Variants in RAD51C observed in about 807,000 individuals in gnomAD.
RAD51C encodes the protein DNA repair protein RAD51 homolog 3.
A neutral mutation model predicts 45.0 loss-of-function variants in RAD51C; 42 were observed. That is an observed-to-expected ratio of 0.93 (90% CI 0.73 to 1.21). The LOEUF (loss-of-function observed/expected upper bound fraction) is 1.21, where lower values mean the gene tolerates loss of function less well. Among genes scored for constraint, RAD51C ranks in the 50% most tolerant of loss-of-function variants. The pLI is 0.00. For missense variants in RAD51C, 474 were observed against 452.2 expected, an observed-to-expected ratio of 1.05 and a Z score of -0.44; for synonymous variants, 172 against 159.8, an observed-to-expected ratio of 1.08 and a Z score of -0.58.
rs779053608 is a variant in RAD51C at position 58,695,025 on chromosome 17, G to A, written c.240G>A (p.Glu80=). 6 of 1,613,934 alleles carry A rather than the reference G, an allele frequency of 3.7e-6. No homozygotes were observed. Among genetic ancestry groups the A allele is most frequent in the Non-Finnish European group, 4.2e-6 (5 of 1,179,984 alleles). The change falls in exon 2 of 9, where the codon GAG becomes GAA. Residue 80 remains glutamate, a synonymous_variant. Coordinates refer to ENST00000337432, the MANE Select transcript of RAD51C (RefSeq NM_058216.3). The stretch of plus-strand genomic sequence containing the variant: ...AACCAAGATATGCTGGTACATCTGA[G>A]TCACACAAGAAGTGTACAGCACTGG... ...TNKPRYAGTS[E]SHKKCTALEL... is the part of the protein sequence containing the mutation.
intron 3 of RAD51C, among the ~76,000 whole-genome samples, chr17:58,702,442 C>T (rs915157543): frequency 7.9e-5 from 12 of 151,650 alleles, no homozygotes; most frequent in African/African-American, 2.9e-4. Context: ...TAATCCCAGG[C>T]GTGAATTTGG....
At chr17:58,719,375 G>T (rs28705831) in intron 5 of RAD51C, among the ~76,000 whole-genome samples, 75 of 151,758 alleles carry the variant, frequency 4.9e-4, no homozygotes, top group African/African-American at 1.8e-3. Flanking sequence ...ACCATGCCCA[G>T]CTAATTTTTT....
chr17:58,698,134 C>T (rs2048084328), intron 3 of RAD51C, among the ~76,000 whole-genome samples: 1 of 151,754 alleles, frequency 6.6e-6, no homozygotes, highest in Non-Finnish European at 1.5e-5. Context: ...GCCTTAGCCT[C>T]CTGAGTAGCT....
chr17:58,731,420 C>T (rs28363325), intron 7 of RAD51C, among the ~76,000 whole-genome samples: 10 of 152,118 alleles, frequency 6.6e-5, no homozygotes, highest in African/African-American at 2.2e-4. Flanking sequence ...CCACCACACC[C>T]GGCTAATTTT....
chr17:58,716,501 C>T (rs1286656705), intron 5 of RAD51C, among the ~76,000 whole-genome samples: 5 of 152,084 alleles, frequency 3.3e-5, no homozygotes, highest in Non-Finnish European at 7.4e-5. Flanking sequence ...CTCACTCTGT[C>T]GCCCAGGCTG....
chr17:58,693,300 A>T lies in RAD51C; in HGVS notation c.145+512A>T, dbSNP rs1262294781. On this transcript the variant is annotated intron_variant, in intron 1 of 8. Transcript: ENST00000337432. ...CCCGGAATCTTGAGGAAGCATAGAAAGAATATTCTCTTACGTAATTAACTG... is the reference window on the plus strand; with the variant it reads ...CCCGGAATCTTGAGGAAGCATAGAATGAATATTCTCTTACGTAATTAACTG... 2.4e-5 allele frequency: 4 copies of T among 168,046 alleles called. No homozygotes were observed. The East Asian group carries it at 7.0e-4, about 29-fold the overall frequency. 10.4% of individuals were successfully genotyped at this position (168,046 alleles called of 1,614,324 possible).
chr17:58,728,478 A>C (rs986600683), intron 7 of RAD51C, among the ~76,000 whole-genome samples: 1 of 149,668 alleles, frequency 6.7e-6, no homozygotes, highest in Non-Finnish European at 1.5e-5. Flanking sequence ...GCTCACTGCA[A>C]CCTCAACCTC....
At chr17:58,710,622 T>C (rs1015260425) in intron 5 of RAD51C, among the ~76,000 whole-genome samples, 1 of 152,176 alleles carries the variant, frequency 6.6e-6, no homozygotes, top group African/African-American at 2.4e-5. Context: ...TCCCTGGTTT[T>C]CTTCTCCTTT....
At chr17:58,720,156 G>C (rs1025338990) in intron 5 of RAD51C, among the ~76,000 whole-genome samples, 4 of 150,514 alleles carry the variant, frequency 2.7e-5, no homozygotes, top group Non-Finnish European at 5.9e-5. Context: ...GCTCACACCT[G>C]TAATACCAGC....
intron 7 of RAD51C, among the ~76,000 whole-genome samples, chr17:58,728,823 A>G (rs2049278676): frequency 6.6e-6 from 1 of 152,198 alleles, no homozygotes; most frequent in Admixed American, 6.5e-5. Context: ...TGATGGAATA[A>G]TATTCCAACA....
chr17:58,697,010 A>G (rs2048040559), intron 3 of RAD51C, 151 bp downstream of exon 3: 3 of 983,550 alleles, frequency 3.1e-6, no homozygotes, highest in Non-Finnish European at 4.5e-6. Context: ...ACTGTTACAA[A>G]ATGAGAAATG....
chr17:58,698,341 C>G (rs2048092848), intron 3 of RAD51C, among the ~76,000 whole-genome samples: 1 of 151,874 alleles, frequency 6.6e-6, no homozygotes, highest in Admixed American at 6.6e-5. Flanking sequence ...CACCACCATG[C>G]CCAGCTAATT....
chr17:58,694,118 A>C (rs1489539547), intron 1 of RAD51C: 1 of 152,210 alleles, frequency 6.6e-6, no homozygotes, highest in Non-Finnish European at 1.5e-5. Context: ...TGCCTTGAAT[A>C]ATTGTTCTCA....
At chr17:58,727,444 C>A (rs1282941066) in intron 7 of RAD51C, among the ~76,000 whole-genome samples, 1 of 152,058 alleles carries the variant, frequency 6.6e-6, no homozygotes, top group Non-Finnish European at 1.5e-5. Context: ...TTATGGAGTT[C>A]ATTTCTTTTC....
chr17:58,697,490 T>C (rs1057200944), intron 3 of RAD51C, among the ~76,000 whole-genome samples: 1 of 141,570 alleles, frequency 7.1e-6, no homozygotes, highest in Non-Finnish European at 1.5e-5. Context: ...GAGCCCAGAT[T>C]ACGCCACTGC....
chr17:58,730,467 G>A (rs916433172), intron 7 of RAD51C, among the ~76,000 whole-genome samples: 3 of 151,740 alleles, frequency 2.0e-5, no homozygotes, highest in African/African-American at 4.8e-5. Flanking sequence ...GTGAGCCACC[G>A]CACCCAGCCT....
chr17:58,732,444 T>G, intron 7 of RAD51C, 40 bp from the exon 8 acceptor site: 1 of 1,551,332 alleles, frequency 6.4e-7, no homozygotes, highest in South Asian at 1.1e-5. Flanking sequence ...ATTAATTAAG[T>G]TCATGTGTTT....
At chr17:58,720,530 G>T (rs1397414423) in intron 5 of RAD51C, among the ~76,000 whole-genome samples, 2 of 151,994 alleles carry the variant, frequency 1.3e-5, no homozygotes, top group East Asian at 3.9e-4. Context: ...GAGTGAAGTG[G>T]CACGCTCTTG....
At position 58,734,491 on chromosome 17, in the gene RAD51C, T is replaced by C; in HGVS notation, c.*269T>C. 1.9e-6 allele frequency: 1 copy of C among 528,800 alleles called. No homozygotes were observed. The highest frequency in any genetic ancestry group is 3.5e-5 in the Admixed American group (1 of 28,912). 32.8% of individuals were successfully genotyped at this position (528,800 alleles called of 1,614,324 possible). On this transcript the variant is annotated 3_prime_UTR_variant, in exon 9 of 9. Coordinates refer to ENST00000337432, the MANE Select transcript of RAD51C (RefSeq NM_058216.3). ...TCACAAATGTGGAAAGCTGATCTCA[T>C]GTGGCCAGTCTGAATTTACCATTCA...
Sources: gnomAD v4.1 joint callset for allele counts (sites outside exome capture counted in the v4.1 genomes callset) on GRCh38, gnomAD v4.1.1 for gene constraint, MANE v1.5 for transcripts, NCBI Gene and HGNC (gene_info 2026-07-23, HGNC 2026-07-21) for gene names.